ANKS6: variants seen among roughly 807,000 people sequenced by gnomAD.
ANKS6 encodes the protein ankyrin repeat and sterile alpha motif domain containing 6, also known as ankyrin repeat and SAM domain-containing protein 6.
Under a neutral mutation model 77.9 loss-of-function variants are expected in ANKS6, and 47 were observed. That is an observed-to-expected ratio of 0.60 (90% confidence interval 0.48 to 0.77). The LOEUF is 0.77. Ranked by LOEUF, ANKS6 falls within the 30% of genes least tolerant of loss-of-function variation. The pLI, the probability that ANKS6 is intolerant of heterozygous loss-of-function variation, is 0.00. For missense variants in ANKS6, 1,150 were observed against 1,159.1 expected (o/e 0.99, Z 0.11); for synonymous variants, 488 against 501.7 (o/e 0.97, Z 0.37).
Position 98,733,330 on chromosome 9 carries a change from C to T in ANKS6, c.*3189G>A. ...ACTTGGACATCCAGCACTCACGACA[C>T]ACCAGCAAGACACTGCCTGGGTGCT... On this transcript the variant is annotated 3_prime_UTR_variant, in exon 15 of 15. Transcript: ENST00000353234. 1 of 985,522 alleles carries T rather than the reference C, an allele frequency of 1.0e-6. No individual in the cohort carries two copies. Among genetic ancestry groups the T allele is most frequent in the Non-Finnish European group, 1.2e-6 (1 of 829,988 alleles). 61.0% of individuals were successfully genotyped at this position (985,522 alleles called of 1,614,324 possible).
intron 8 of ANKS6, 117 bp from the exon 9 acceptor site, chr9:98,774,197 C>A: frequency 2.2e-6 from 2 of 926,216 alleles, no homozygotes; most frequent in Non-Finnish European, 2.9e-6. Context: ...CCCCTCCACC[C>A]AAGCCGGGAG....
chr9:98,795,916 G>A (rs1588429509), intron 1 of ANKS6: 1 of 450,682 alleles, frequency 2.2e-6, no homozygotes, highest in African/African-American at 2.0e-5. Context: ...ATTCTATTCT[G>A]AAAGGCCAAA....
chr9:98,785,108 C>T (rs1289030773), intron 2 of ANKS6, among the ~76,000 whole-genome samples: 3 of 152,216 alleles, frequency 2.0e-5, no homozygotes, highest in African/African-American at 4.8e-5. Flanking sequence ...GAATGAGCAG[C>T]AGATCACGGC....
intron 12 of ANKS6, among the ~76,000 whole-genome samples, chr9:98,753,841 A>G (rs1832561027): frequency 6.6e-6 from 1 of 152,192 alleles, no homozygotes; most frequent in African/African-American, 2.4e-5. Flanking sequence ...AAATGAGTAA[A>G]AAATACATTT....
At position 98,796,203 on chromosome 9, in the gene ANKS6, G is replaced by A; in HGVS notation, c.289C>T (p.Leu97=). 1 of 1,418,410 alleles carries A rather than the reference G, an allele frequency of 7.1e-7. No homozygotes were observed. The highest frequency in any genetic ancestry group is 1.5e-5 in the African/African-American group (1 of 67,554). 87.9% of individuals were successfully genotyped at this position (1,418,410 alleles called of 1,614,324 possible). Residue 97 remains leucine, a synonymous_variant, in exon 1 of 15, where the codon CTG becomes TTG. Transcript: ENST00000353234. The part of the protein sequence containing the change: ...AGGHEPLVRF[L]LRRGASVNSR... ...TTGACCGAGGCACCGCGGCGCAGCA[G>A]GAAGCGCACCAGCGGTTCGTGGCCC... is the stretch of plus-strand genomic sequence containing the variant.
At position 98,790,314 on chromosome 9, in the gene ANKS6, T is replaced by G. The variant is rs369958850; in HGVS notation, c.652A>C (p.Asn218His). Residue 218 changes from asparagine to histidine, a missense_variant, in exon 2 of 15, where the codon AAC becomes CAC. Coordinates refer to ENST00000353234, the MANE Select transcript of ANKS6 (RefSeq NM_173551.5). Reference protein sequence around the residue: ...RLLMEWGADPNHAARTVGWSP... With the variant: ...RLLMEWGADPHHAARTVGWSP... Reference sequence around the variant, plus strand: ...CAGCCCACGGTCCGGGCTGCGTGGTTGGGGTCCGCGCCCCACTCCATCAGT... The same window carrying G: ...CAGCCCACGGTCCGGGCTGCGTGGTGGGGGTCCGCGCCCCACTCCATCAGT... 16 of 1,607,918 alleles carry G rather than the reference T, an allele frequency of 1.0e-5. No individual in the cohort carries two copies. The highest frequency in any genetic ancestry group is 1.4e-5 in the Non-Finnish European group (16 of 1,176,404).
chr9:98,741,018 A>T (rs1831800082), intron 14 of ANKS6, among the ~76,000 whole-genome samples: 1 of 152,204 alleles, frequency 6.6e-6, no homozygotes, highest in South Asian at 2.1e-4. Flanking sequence ...TCAGATGTAC[A>T]TATACCTTGA....
chr9:98,792,743 G>A (rs1376150802), intron 1 of ANKS6, among the ~76,000 whole-genome samples: 4 of 152,146 alleles, frequency 2.6e-5, no homozygotes, highest in Admixed American at 6.5e-5. Context: ...GATTACAGTG[G>A]AAAGCAATTA....
At chr9:98,769,885 AATATTC>A (rs1433097618) in intron 10 of ANKS6, among the ~76,000 whole-genome samples, 1 of 152,226 alleles carries the variant, frequency 6.6e-6, no homozygotes, top group Non-Finnish European at 1.5e-5. Context: ...CCTTTTTATA[AATATTC>A]ATAATCTATA....
rs767450669 is a variant in ANKS6, at chr9:98,790,370, A to G, written c.596T>C (p.Ile199Thr). 77 of 1,613,450 alleles carry G rather than the reference A, an allele frequency of 4.8e-5. No individual in the cohort carries two copies. The highest frequency in any genetic ancestry group is 5.9e-5 in the Non-Finnish European group (70 of 1,180,004). ...CACCACGGCCTCGTGCCCGTGCTGG[A>G]TGGCAGCCATCAGGGCTGTGATGTC... is the stretch of plus-strand genomic sequence containing the variant. Reference protein sequence around the residue: ...PLDITALMAAIQHGHEAVVRL... With the variant: ...PLDITALMAATQHGHEAVVRL... Residue 199 changes from isoleucine (I) to threonine (T), a missense_variant, in exon 2 of 15, where the codon ATC (isoleucine) becomes ACC (threonine). Physicochemically the swap from Ile to Thr is moderately conservative, Grantham distance 89. Coordinates refer to ENST00000353234, the MANE Select transcript of ANKS6 (RefSeq NM_173551.5).
Position 98,782,586 on chromosome 9 carries a change from G to A in ANKS6, c.1113-13C>T. 1 of 1,605,996 alleles carries A rather than the reference G, an allele frequency of 6.2e-7. No individual in the cohort carries two copies. On this transcript the variant is annotated splice_polypyrimidine_tract_variant and intron_variant, in intron 4 of 14. Transcript: ENST00000353234. ...AATTTCCTTATTCCTGGGAAAAAATGCTAGAGTTACATTCACTGAAAGCAA... is the reference window on the plus strand; with the variant it reads ...AATTTCCTTATTCCTGGGAAAAAATACTAGAGTTACATTCACTGAAAGCAA...
intron 14 of ANKS6, among the ~76,000 whole-genome samples, chr9:98,738,827 A>G (rs1831649143): frequency 6.6e-6 from 1 of 152,248 alleles, no homozygotes. Context: ...TCACAACTGC[A>G]AAGTCATGGA....
At position 98,751,050 on chromosome 9, in the gene ANKS6, C is replaced by T. The variant is rs201515141; in HGVS notation, c.2373G>A (p.Gln791=). 2 of 1,610,242 alleles carry T rather than the reference C, an allele frequency of 1.2e-6. No homozygotes were observed. Among genetic ancestry groups the T allele is most frequent in the Admixed American group, 1.7e-5 (1 of 59,484 alleles). Residue 791 remains glutamine, a synonymous_variant, in exon 13 of 15, where the codon CAG becomes CAA. Coordinates refer to ENST00000353234, the MANE Select transcript of ANKS6 (RefSeq NM_173551.5). ...ILKKLSLEKY[Q]PIFEEQEVDM... ...TTACCTCTTGTTCCTCAAAAATGGG[C>T]TGATATTTCTCAAGTGATAATTTCT... is the stretch of plus-strand genomic sequence containing the variant.
intron 13 of ANKS6, among the ~76,000 whole-genome samples, chr9:98,747,016 G>T (rs1588331431): frequency 1.3e-5 from 2 of 152,156 alleles, no homozygotes; most frequent in African/African-American, 4.8e-5. Flanking sequence ...GACCTGGGCA[G>T]GTGCCTTACC....
chr9:98,752,439 CCCTTCCTT>C (rs945761926), intron 12 of ANKS6, among the ~76,000 whole-genome samples: 2 of 152,052 alleles, frequency 1.3e-5, no homozygotes, highest in East Asian at 1.9e-4. Context: ...CTCCCTCTTT[CCCTTCCTT>C]CCTTCCTTCC....
intron 14 of ANKS6, among the ~76,000 whole-genome samples, chr9:98,743,776 C>CACAATT (rs1831967741): frequency 6.6e-6 from 1 of 152,232 alleles, no homozygotes; most frequent in African/African-American, 2.4e-5. Context: ...ATGCTCAGAG[C>CACAATT]ACAATGCTTG....
rs768604568 is a variant in ANKS6 at position 98,733,832 on chromosome 9, C to A, written c.*2687G>T. 2.0e-6 allele frequency: 2 copies of A among 985,296 alleles called. No homozygotes were observed. The highest frequency in any genetic ancestry group is 1.7e-5 in the African/African-American group (1 of 57,206). 61.0% of individuals were successfully genotyped at this position (985,296 alleles called of 1,614,324 possible). On this transcript the variant is annotated 3_prime_UTR_variant, in exon 15 of 15. Transcript: ENST00000353234. Reference sequence around the variant, plus strand: ...ACCCCACTTTCACATACACACCCTACGTTTCTTTATGAAAAACCTATTATC... The same window carrying A: ...ACCCCACTTTCACATACACACCCTAAGTTTCTTTATGAAAAACCTATTATC...
intron 10 of ANKS6, 71 bp downstream of exon 10, chr9:98,770,825 T>A: frequency 7.8e-7 from 1 of 1,280,000 alleles, no homozygotes; most frequent in Non-Finnish European, 1.0e-6. Flanking sequence ...AACCTGAATA[T>A]CCAGGCAGTG....
Position 98,734,583 on chromosome 9 carries a change from G to A in ANKS6, c.*1936C>T. 1.0e-6 allele frequency: 1 copy of A among 985,354 alleles called. No homozygotes were observed. Among genetic ancestry groups the A allele is most frequent in the East Asian group, 1.1e-4 (1 of 8,810 alleles). 61.0% of individuals were successfully genotyped at this position (985,354 alleles called of 1,614,324 possible). The stretch of plus-strand genomic sequence containing the variant: ...GCTCCAGGAGTCTATAGGAGTTAGT[G>A]GAAAAGGCACAGGCTTGCAAGCCCA... On this transcript the variant is annotated 3_prime_UTR_variant, in exon 15 of 15. Transcript: ENST00000353234.
Sources: allele counts gnomAD v4.1 joint callset (sites outside exome capture counted in the v4.1 genomes callset), GRCh38; gene constraint gnomAD v4.1.1; transcripts MANE v1.5; gene names NCBI Gene and HGNC (gene_info 2026-07-23, HGNC 2026-07-21).